MDFIC2: variants seen among roughly 807,000 people sequenced by gnomAD.
MDFIC2 encodes MyoD family inhibitor domain containing 2, also known as myoD family inhibitor domain-containing protein 2.
intron 2 of MDFIC2, among the ~76,000 whole-genome samples, chr3:70,290,395 C>G (rs931137208): frequency 2.0e-5 from 3 of 152,210 alleles, no homozygotes; most frequent in Non-Finnish European, 4.4e-5. Context: ...CAGGGACCCA[C>G]TTGAGGAGGC....
At chr3:70,263,409 G>A (rs556977504) in intron 2 of MDFIC2, among the ~76,000 whole-genome samples, 2 of 152,184 alleles carry the variant, frequency 1.3e-5, no homozygotes, top group East Asian at 3.9e-4. Context: ...TTACTCTAGA[G>A]CTAATTTAGC....
At chr3:70,214,181 G>T (rs1396244905) in intron 2 of MDFIC2, among the ~76,000 whole-genome samples, 1 of 151,960 alleles carries the variant, frequency 6.6e-6, no homozygotes, top group East Asian at 1.9e-4. Context: ...ATCTAATTGG[G>T]GAGGGAGGAT....
At position 70,226,690 on chromosome 3, in the gene MDFIC2, A is replaced by G. The variant is rs976546689; in HGVS notation, c.89-19900T>C. ...GAAGCGGAGGTTGCAGTGAGCCGAT[A>G]TCGTGCCACTCCACTCCAGCCTGGG... is the stretch of plus-strand genomic sequence containing the variant. On this transcript the variant is annotated intron_variant, in intron 2 of 3. Transcript: ENST00000567252. Among the ~76,000 whole-genome samples the G allele has an allele frequency of 2.0e-5, 3 of 150,154 alleles. No individual in the cohort carries two copies. The Admixed American group carries it at 2.0e-4, about 10-fold the overall frequency.
At chr3:70,284,274 A>G (rs1702118196) in intron 2 of MDFIC2, among the ~76,000 whole-genome samples, 1 of 152,174 alleles carries the variant, frequency 6.6e-6, no homozygotes, top group African/African-American at 2.4e-5. Context: ...GCTAATCCCT[A>G]CGATTTATTT....
intron 2 of MDFIC2, chr3:70,248,990 G>A (rs893853592): frequency 6.6e-6 from 1 of 152,034 alleles, no homozygotes; most frequent in African/African-American, 2.4e-5. Flanking sequence ...TATCCCATTC[G>A]GCTAAAGAAT....
chr3:70,213,028 T>G (rs1403390661), intron 2 of MDFIC2, among the ~76,000 whole-genome samples: 1 of 152,120 alleles, frequency 6.6e-6, no homozygotes, highest in African/African-American at 2.4e-5. Flanking sequence ...GGGCTGGTCT[T>G]GAATTCCTGG....
intron 3 of MDFIC2, chr3:70,204,500 C>A (rs1158017668): frequency 6.6e-6 from 1 of 152,152 alleles, no homozygotes; most frequent in African/African-American, 2.4e-5. Context: ...AAAGCTCTTA[C>A]TTCACCGGGG....
At chr3:70,274,533 A>G (rs1340292931) in intron 2 of MDFIC2, among the ~76,000 whole-genome samples, 1 of 152,214 alleles carries the variant, frequency 6.6e-6, no homozygotes, top group African/African-American at 2.4e-5. Context: ...AATTGAACAG[A>G]AAACCAAACA....
chr3:70,210,190 A>C (rs1399654220), intron 2 of MDFIC2, among the ~76,000 whole-genome samples: 1 of 152,118 alleles, frequency 6.6e-6, no homozygotes, highest in Non-Finnish European at 1.5e-5. Flanking sequence ...TTTTGTGACA[A>C]TTTTAAGTAT....
intron 3 of MDFIC2, among the ~76,000 whole-genome samples, chr3:70,198,527 C>G (rs1457928680): frequency 6.6e-6 from 1 of 152,186 alleles, no homozygotes; most frequent in Non-Finnish European, 1.5e-5. Context: ...TGTAAAAACA[C>G]TATATAAAGT....
At chr3:70,262,986 C>G (rs1245355908) in intron 2 of MDFIC2, among the ~76,000 whole-genome samples, 1 of 152,068 alleles carries the variant, frequency 6.6e-6, no homozygotes, top group Non-Finnish European at 1.5e-5. Context: ...TTAATACTAT[C>G]CAGGGAAATT....
At chr3:70,283,335 T>C (rs1702107581) in intron 2 of MDFIC2, among the ~76,000 whole-genome samples, 1 of 152,038 alleles carries the variant, frequency 6.6e-6, no homozygotes, top group Non-Finnish European at 1.5e-5. Context: ...AAATGCTCAA[T>C]AGTGGCTGAA....
At chr3:70,216,717 C>T (rs1048516496) in intron 2 of MDFIC2, among the ~76,000 whole-genome samples, 5 of 152,144 alleles carry the variant, frequency 3.3e-5, no homozygotes, top group African/African-American at 1.2e-4. Flanking sequence ...TCAAATGTCA[C>T]CTCCTGGGTG....
chr3:70,227,022 C>A (rs1404411491), intron 2 of MDFIC2, among the ~76,000 whole-genome samples: 12 of 152,104 alleles, frequency 7.9e-5, no homozygotes, highest in Admixed American at 4.6e-4. Flanking sequence ...AAAATACATG[C>A]ATCTTTTTCC....
chr3:70,208,602 G>A lies in MDFIC2; in HGVS notation c.89-1812C>T, dbSNP rs942044478. Among the ~76,000 whole-genome samples, 7 of 151,988 alleles carry A rather than the reference G, an allele frequency of 4.6e-5. No homozygotes were observed. The East Asian group carries it at 9.7e-4, about 21-fold the overall frequency. On this transcript the variant is annotated intron_variant, in intron 2 of 3. Transcript: ENST00000567252. ...TTTTTGAAGCTCCTCAGGTGATTCC[G>A]ACATGTAGACAAGTTTGGGAACCAC...
intron 2 of MDFIC2, among the ~76,000 whole-genome samples, chr3:70,219,329 G>A (rs1422676379): frequency 6.6e-6 from 1 of 152,166 alleles, no homozygotes; most frequent in Admixed American, 6.6e-5. Context: ...TGGAATTAGT[G>A]TTGTTTTCTG....
chr3:70,299,237 G>A (rs1278847250), intron 2 of MDFIC2, among the ~76,000 whole-genome samples: 3 of 151,914 alleles, frequency 2.0e-5, no homozygotes, highest in African/African-American at 7.3e-5. Flanking sequence ...GCCCTAGAAA[G>A]GTGTTCACAT....
rs1701185964 is a variant in MDFIC2 at position 70,196,777 on chromosome 3, C to T, written c.*149G>A. 1 of 396,012 alleles carries T rather than the reference C, an allele frequency of 2.5e-6. No individual in the cohort carries two copies. The highest frequency in any genetic ancestry group is 4.4e-6 in the Non-Finnish European group (1 of 225,012). 24.5% of individuals were successfully genotyped at this position (396,012 alleles called of 1,614,324 possible). ...AAGACCATTGAGTTGATAATACTAG[C>T]TTTCCTAGACAGGTGCAGAATAAAA... On this transcript the variant is annotated 3_prime_UTR_variant, in exon 4 of 4. Coordinates refer to ENST00000567252, the MANE Select transcript of MDFIC2 (RefSeq NM_001364677.1).
intron 2 of MDFIC2, among the ~76,000 whole-genome samples, chr3:70,230,326 C>T (rs868351153): frequency 3.3e-5 from 5 of 152,128 alleles, no homozygotes; most frequent in African/African-American, 9.7e-5. Flanking sequence ...TTCACTGCAA[C>T]GAAATTTCAC....
Sources: allele counts gnomAD v4.1 joint callset (sites outside exome capture counted in the v4.1 genomes callset), GRCh38; gene constraint gnomAD v4.1.1; transcripts MANE v1.5; gene names NCBI Gene and HGNC (gene_info 2026-07-23, HGNC 2026-07-21).